The following RGS3 variants were observed in gnomAD, a reference collection of about 807,000 sequenced individuals.
RGS3 encodes the protein regulator of G protein signaling 3.
RGS3 carries 80 observed loss-of-function variants against 132.6 expected under a neutral mutation model. The observed-to-expected ratio is 0.60, with a 90% CI of 0.50 to 0.73. The LOEUF (loss-of-function observed/expected upper bound fraction) is 0.73, where lower values mean the gene tolerates loss of function less well. Among genes scored for constraint, RGS3 ranks in the 30% least tolerant of loss-of-function variants. The pLI is 0.00. For missense variants in RGS3, 1,382 were observed against 1,530.8 expected (o/e 0.90, Z 1.62); for synonymous variants, 598 against 620.6 (o/e 0.96, Z 0.54).
At chr9:113,543,705 G>A (rs528011333) in intron 19 of RGS3, among the ~76,000 whole-genome samples, 23 of 152,318 alleles carry the variant, frequency 1.5e-4, no homozygotes, top group African/African-American at 5.3e-4. Context: ...TACCAGACAG[G>A]TGCAGAGGAC....
chr9:113,593,220 T>C (rs919892921), intron 21 of RGS3, among the ~76,000 whole-genome samples: 3 of 152,218 alleles, frequency 2.0e-5, no homozygotes, highest in Admixed American at 2.0e-4. Context: ...TGCAGGACTC[T>C]CCTTCATTAG....
At chr9:113,587,316 G>A (rs1835168780) in intron 20 of RGS3, among the ~76,000 whole-genome samples, 1 of 152,162 alleles carries the variant, frequency 6.6e-6, no homozygotes, top group Non-Finnish European at 1.5e-5. Context: ...TTCTGGGAGG[G>A]TCCCCTGATG....
intron 19 of RGS3, 181 bp from the exon 18 acceptor site, chr9:113,583,267 CAG>C: frequency 9.3e-7 from 1 of 1,072,532 alleles, no homozygotes; most frequent in Non-Finnish European, 1.3e-6. Context: ...AGCAAGAAGA[CAG>C]GGTGAGAATT....
chr9:113,584,138 A>G (rs780686492), exon 20 of RGS3: 2 of 1,614,236 alleles, frequency 1.2e-6, no homozygotes, highest in South Asian at 2.2e-5. Flanking sequence ...AACTACGGAG[A>G]GCGCAGTGAG....
intron 10 of RGS3, among the ~76,000 whole-genome samples, chr9:113,500,620 A>G (rs1308240327): frequency 2.0e-5 from 3 of 151,520 alleles, no homozygotes; most frequent in African/African-American, 7.3e-5. Flanking sequence ...ATTTGACTTT[A>G]TGGTCCATGT....
intron 17 of RGS3, 77 bp from the exon 16 acceptor site, chr9:113,529,144 A>G: frequency 8.9e-7 from 1 of 1,126,332 alleles, no homozygotes. Context: ...TGGGCAAGAC[A>G]GCTGACTGTG....
intron 17 of RGS3, 75 bp from the exon 16 acceptor site, chr9:113,529,146 C>T: frequency 8.8e-7 from 1 of 1,141,740 alleles, no homozygotes; most frequent in East Asian, 2.3e-5. Context: ...GGCAAGACAG[C>T]TGACTGTGCT....
intron 8 of RGS3, among the ~76,000 whole-genome samples, chr9:113,496,589 T>C (rs1830691558): frequency 6.6e-6 from 1 of 152,054 alleles, no homozygotes; most frequent in South Asian, 2.1e-4. Context: ...CTCACTCTGT[T>C]GCCCAGGCTG....
chr9:113,536,838 CAGA>C, exon 19 of RGS3: 2 of 1,614,180 alleles, frequency 1.2e-6, no homozygotes, highest in Non-Finnish European at 1.7e-6. Flanking sequence ...CTCGCAGGAG[CAGA>C]AGAAGAGAGT....
intron 10 of RGS3, among the ~76,000 whole-genome samples, chr9:113,500,136 G>T (rs887393268): frequency 6.6e-6 from 1 of 152,186 alleles, no homozygotes; most frequent in African/African-American, 2.4e-5. Context: ...TGAGCCCCTT[G>T]TTCTGAGGTG....
At chr9:113,505,612 C>T in intron 11 of RGS3, 89 bp downstream of exon 9, 2 of 988,044 alleles carry the variant, frequency 2.0e-6, no homozygotes, top group South Asian at 2.6e-5. Flanking sequence ...AGGGGAGCCC[C>T]AAACTGGAGC....
chr9:113,487,239 GT>G (rs1830364737), intron 7 of RGS3, among the ~76,000 whole-genome samples: 1 of 150,970 alleles, frequency 6.6e-6, no homozygotes, highest in Non-Finnish European at 1.5e-5. Context: ...AGCCTCCCGA[GT>G]AGCTGGGACT....
intron 5 of RGS3, 74 bp from the exon 4 acceptor site, chr9:113,484,064 A>G (rs1463869232): frequency 2.3e-6 from 2 of 870,996 alleles, no homozygotes; most frequent in African/African-American, 3.3e-5. Flanking sequence ...TAACTTGGAG[A>G]TGTGCAGAGT....
At chr9:113,490,682 A>T (rs1203416309) in intron 7 of RGS3, among the ~76,000 whole-genome samples, 5 of 144,156 alleles carry the variant, frequency 3.5e-5, no homozygotes, top group Non-Finnish European at 7.5e-5. Context: ...TAATATATAA[A>T]ATATAATATA....
intron 17 of RGS3, among the ~76,000 whole-genome samples, chr9:113,523,470 T>C (rs946785364): frequency 6.6e-6 from 1 of 151,988 alleles, no homozygotes; most frequent in African/African-American, 2.4e-5. Context: ...AAATGCAAAG[T>C]GCCTGGCCCA....
upstream of RGS3, among the ~76,000 whole-genome samples, chr9:113,456,765 A>G (rs1233100087): frequency 1.3e-5 from 2 of 151,964 alleles, no homozygotes; most frequent in Non-Finnish European, 2.9e-5. Flanking sequence ...AATAAAGCCC[A>G]ATCTCCTTAT....
At chr9:113,541,328 C>G in intron 19 of RGS3, 1 of 1,613,316 alleles carries the variant, frequency 6.2e-7, no homozygotes, top group African/African-American at 1.3e-5. Flanking sequence ...AGAAACTCCA[C>G]CCTTTCGGCT....
At chr9:113,475,786 G>T (rs918085254) in intron 3 of RGS3, among the ~76,000 whole-genome samples, 7 of 152,026 alleles carry the variant, frequency 4.6e-5, no homozygotes, top group Non-Finnish European at 1.0e-4. Flanking sequence ...GGTTGGGTGG[G>T]GGGGGTGTTC....
At chr9:113,533,045 C>T (rs1273501609) in intron 18 of RGS3, among the ~76,000 whole-genome samples, 1 of 152,128 alleles carries the variant, frequency 6.6e-6, no homozygotes, top group South Asian at 2.1e-4. Context: ...AGATGAGATC[C>T]CAGCATGTGG....
Sources: allele counts gnomAD v4.1 joint callset (sites outside exome capture counted in the v4.1 genomes callset), GRCh38; gene constraint gnomAD v4.1.1; transcripts MANE v1.5; gene names NCBI Gene and HGNC (gene_info 2026-07-23, HGNC 2026-07-21).